Variants in SLC5A4 observed in about 807,000 individuals in gnomAD.
SLC5A4 encodes solute carrier family 5 member 4, also known as probable glucose sensor protein SLC5A4.
Under a neutral mutation model 70.3 loss-of-function variants are expected in SLC5A4, and 55 were observed. That is an observed-to-expected ratio of 0.78 (90% CI 0.63 to 0.98). The LOEUF is 0.98. Ranked by LOEUF, SLC5A4 falls within the 50% of genes least tolerant of loss-of-function variation. SLC5A4 has a pLI of 0.00. For synonymous variants in SLC5A4, 268 were observed against 305.7 expected (o/e 0.88, Z 1.29); for missense variants, 735 against 839.2 (o/e 0.88, Z 1.53).
chr22:32,247,268 A>G, intron 5 of SLC5A4, 143 bp downstream of exon 5: 1 of 621,688 alleles, frequency 1.6e-6, no homozygotes, highest in Non-Finnish European at 2.9e-6. Flanking sequence ...CTTTGAAGAG[A>G]CAGTCCTGAG....
rs1291555011 is a variant in SLC5A4, at chr22:32,234,931, C to T, written c.827G>A (p.Trp276Ter). 2 of 1,613,044 alleles carry T rather than the reference C, an allele frequency of 1.2e-6. No individual in the cohort carries two copies. Residue 276 changes from tryptophan (W) to a stop codon, truncating the protein, a stop_gained, in exon 8 of 15, where the codon TGG (tryptophan) becomes TAG (stop). Coordinates refer to ENST00000266086, the MANE Select transcript of SLC5A4 (RefSeq NM_014227.3). LOFTEE classifies it high-confidence loss of function. Reference sequence around the variant, plus strand: ...GGGCATTCCAAATATAATTCCTGGCCATGGAATGTCCCCAGTCACAGCATC... The same window carrying T: ...GGGCATTCCAAATATAATTCCTGGCTATGGAATGTCCCCAGTCACAGCATC... ...FRDAVTGDIP[W>*]PGIIFGMPIT...
the SLC5A4 span, chr22:32,271,135 A>G: frequency 4.6e-6 from 3 of 654,798 alleles, no homozygotes; most frequent in African/African-American, 1.8e-5. Flanking sequence ...ACCCTTCCAG[A>G]CAGAGCCCAT....
At chr22:32,274,521 C>T in the SLC5A4 span, among the ~76,000 whole-genome samples, 4 of 151,802 alleles carry the variant, frequency 2.6e-5, no homozygotes, top group Non-Finnish European at 5.9e-5. Context: ...ACAAAAGAAA[C>T]AATCTCGAGT....
intron 13 of SLC5A4, among the ~76,000 whole-genome samples, chr22:32,221,745 T>C (rs1308184208): frequency 6.6e-6 from 1 of 152,104 alleles, no homozygotes; most frequent in African/African-American, 2.4e-5. Context: ...TGTTTTTTTT[T>C]TGTTTGTTTG....
At chr22:32,253,998 C>G (rs932292574) in intron 2 of SLC5A4, 144 bp downstream of exon 2, 9 of 731,416 alleles carry the variant, frequency 1.2e-5, no homozygotes, top group South Asian at 9.7e-5. Flanking sequence ...TCAGGCTGGT[C>G]TCGAACTCCT....
At chr22:32,339,312 C>T in the SLC5A4 span, among the ~76,000 whole-genome samples, 1 of 152,186 alleles carries the variant, frequency 6.6e-6, no homozygotes, top group African/African-American at 2.4e-5. Context: ...AGGCCGGGCT[C>T]TGTTCCAGTC....
chr22:32,299,817 G>A, the SLC5A4 span, among the ~76,000 whole-genome samples: 11 of 127,750 alleles, frequency 8.6e-5, no homozygotes, highest in Non-Finnish European at 3.4e-5. Flanking sequence ...TGATGGTGAT[G>A]TACAGATGGG....
rs751606974 is a variant in SLC5A4 at position 32,231,007 on chromosome 22, A to G, written c.1090T>C (p.Tyr364His). 6.2e-7 allele frequency: 1 copy of G among 1,613,942 alleles called. No individual in the cohort carries two copies. Among genetic ancestry groups the G allele is most frequent in the South Asian group, 1.1e-5 (1 of 91,080 alleles). The change falls in exon 10 of 15, where the codon TAC becomes CAC. Residue 364 changes from tyrosine to histidine, a missense_variant. Coordinates refer to ENST00000266086, the MANE Select transcript of SLC5A4 (RefSeq NM_014227.3). ...HCGVDVGCTN[Y>H]AYPTMVLELM... is the part of the protein sequence containing the mutation. ...TCCAGCACCATCGTGGGGTATGCGT[A>G]GTTGGTGCAGCCAACATCAACGCCA...
chr22:32,285,453 G>A, the SLC5A4 span, among the ~76,000 whole-genome samples: 1 of 152,070 alleles, frequency 6.6e-6, no homozygotes, highest in Admixed American at 6.5e-5. Context: ...CATGTTCTCT[G>A]TATCTTAAAT....
chr22:32,228,097 G>A (rs1212638410), intron 11 of SLC5A4, among the ~76,000 whole-genome samples: 1 of 152,176 alleles, frequency 6.6e-6, no homozygotes, highest in African/African-American at 2.4e-5. Context: ...CAAGACGAAC[G>A]AACTTCTGGG....
chr22:32,341,745 T>A, the SLC5A4 span, among the ~76,000 whole-genome samples: 19,762 of 152,226 alleles, frequency 0.13, 1,744 homozygotes, highest in Non-Finnish European at 0.19. Context: ...TTCCTACACT[T>A]CTTCTGCTAA....
At chr22:32,297,043 G>T in the SLC5A4 span, among the ~76,000 whole-genome samples, 7 of 149,470 alleles carry the variant, frequency 4.7e-5, no homozygotes, top group Non-Finnish European at 1.0e-4. Flanking sequence ...ATGTGCTGCT[G>T]GATTCGTTTT....
chr22:32,330,370 GGT>G, the SLC5A4 span, among the ~76,000 whole-genome samples: 2,207 of 44,010 alleles, frequency 0.05, 435 homozygotes, highest in Non-Finnish European at 0.08. Context: ...GTTGGGGACT[GGT>G]GTGTGTTGGG....
At chr22:32,324,176 G>A in the SLC5A4 span, among the ~76,000 whole-genome samples, 23 of 149,470 alleles carry the variant, frequency 1.5e-4, no homozygotes, top group African/African-American at 4.7e-4. Context: ...TGCCAGTGGT[G>A]AAAATGTGGT....
At chr22:32,245,752 C>T (rs546454501) in intron 5 of SLC5A4, among the ~76,000 whole-genome samples, 11 of 152,314 alleles carry the variant, frequency 7.2e-5, no homozygotes, top group African/African-American at 2.6e-4. Context: ...ATCTCTTGAC[C>T]TCATGATCTG....
chr22:32,237,411 ACC>A, intron 6 of SLC5A4, 87 bp from the exon 7 acceptor site: 1 of 864,048 alleles, frequency 1.2e-6, no homozygotes, highest in South Asian at 1.8e-5. Flanking sequence ...TCCACCCACA[ACC>A]CTGGAAATGA....
chr22:32,282,604 A>ATG, the SLC5A4 span, among the ~76,000 whole-genome samples: 1 of 152,120 alleles, frequency 6.6e-6, no homozygotes, highest in Non-Finnish European at 1.5e-5. Context: ...AATGACTCCC[A>ATG]TGTACGCCTC....
the SLC5A4 span, among the ~76,000 whole-genome samples, chr22:32,347,665 T>TGGACACAG: frequency 8.5e-6 from 1 of 117,230 alleles, no homozygotes; most frequent in Non-Finnish European, 1.6e-5. Context: ...TGAGAACACA[T>TGGACACAG]GGACACAGGA....
intron 1 of SLC5A4, among the ~76,000 whole-genome samples, chr22:32,254,937 A>G (rs549929638): frequency 5.9e-5 from 9 of 152,072 alleles, no homozygotes; most frequent in South Asian, 2.1e-4. Context: ...ATAAAAATAC[A>G]CTCTTTGTCC....
Sources: allele counts gnomAD v4.1 joint callset (sites outside exome capture counted in the v4.1 genomes callset), GRCh38; gene constraint gnomAD v4.1.1; transcripts MANE v1.5; gene names NCBI Gene and HGNC (gene_info 2026-07-23, HGNC 2026-07-21).